CLTC: variants seen among roughly 807,000 people sequenced by gnomAD.
The protein encoded by CLTC is clathrin heavy chain, also known as clathrin heavy chain 1.
A neutral mutation model predicts 195.8 loss-of-function variants in CLTC; 16 were observed. The observed-to-expected ratio is 0.08, with a 90% confidence interval of 0.06 to 0.12. The LOEUF (loss-of-function observed/expected upper bound fraction) is 0.12, where lower values mean the gene tolerates loss of function less well. Among genes scored for constraint, CLTC ranks in the 10% least tolerant of loss-of-function variants. The probability of loss-of-function intolerance (pLI) is 1.00; values close to 1 mark genes in which losing one functional copy is unlikely to be tolerated. For synonymous variants in CLTC, 667 were observed against 689.4 expected, an observed-to-expected ratio of 0.97 and a Z score of 0.51; for missense variants, 796 against 2,027.0, an observed-to-expected ratio of 0.39 and a Z score of 11.66.
intron 1 of CLTC, among the ~76,000 whole-genome samples, chr17:59,636,380 C>G (rs1308452828): frequency 6.6e-6 from 1 of 152,130 alleles, no homozygotes; most frequent in East Asian, 1.9e-4. Context: ...ACAGGAAAAA[C>G]AAAGTTTAAA....
intron 30 of CLTC, among the ~76,000 whole-genome samples, chr17:59,687,890 T>TTACGTCTG (rs1157990857): frequency 6.6e-6 from 1 of 152,138 alleles, no homozygotes; most frequent in Non-Finnish European, 1.5e-5. Flanking sequence ...TGAAACAAAC[T>TTACGTCTG]TACGTCTGTT....
rs2033069952 is a variant in CLTC at position 59,680,947 on chromosome 17, T to C, written c.2955T>C (p.Pro985=). The C allele has an allele frequency of 2.5e-6, 4 of 1,613,782 alleles. No homozygotes were observed. Among genetic ancestry groups the C allele is most frequent in the Non-Finnish European group, 3.4e-6 (4 of 1,179,822 alleles). ...CAGCTTTGTCTGAGACTCAGGACCCTGAAGAAGTGTCAGTAACTGTAAAGG... is the reference window on the plus strand; with the variant it reads ...CAGCTTTGTCTGAGACTCAGGACCCCGAAGAAGTGTCAGTAACTGTAAAGG... ...VQTALSETQD[P]EEVSVTVKAF... is the part of the protein sequence containing the mutation. Residue 985 remains proline (P), a synonymous_variant, in exon 19 of 32, where the codon CCT becomes CCC. Coordinates refer to ENST00000269122, the MANE Select transcript of CLTC (RefSeq NM_004859.4).
intron 5 of CLTC, 92 bp downstream of exon 5, chr17:59,651,408 A>T (rs1401908460): frequency 2.5e-5 from 21 of 855,232 alleles, no homozygotes; most frequent in Middle Eastern, 2.4e-4. Context: ...AATTTAAGTG[A>T]TGCTTAAAAG....
At position 59,696,298 on chromosome 17, in the gene CLTC, CA is replaced by C. The variant is rs905316320; in HGVS notation, c.*2449del. 23 of 221,748 alleles carry C rather than the reference CA, an allele frequency of 1.0e-4. No individual in the cohort carries two copies. The East Asian group carries it at 1.5e-3, about 15-fold the overall frequency. The allele number at this position is 221,748 out of a possible 1,614,324, so 13.7% of individuals were successfully genotyped here. ...CCTGTGCGAAGTGTATTAAATGAAT[CA>C]AATATTAGAAATTTCAAGGCTGTCT... On this transcript the variant is annotated 3_prime_UTR_variant, in exon 32 of 32. Coordinates refer to ENST00000269122, the MANE Select transcript of CLTC (RefSeq NM_004859.4).
chr17:59,666,723 A>G lies in CLTC; in HGVS notation c.1948-74A>G, dbSNP rs2032741174. 6.5e-7 allele frequency: 1 copy of G among 1,547,664 alleles called. No homozygotes were observed. The highest frequency in any genetic ancestry group is 1.4e-5 in the African/African-American group (1 of 73,076). ...TGAAAATGTGTTTGTGGTACTAAAT[A>G]TTAATAATTTCATACCACCATGAGG... On this transcript the variant is annotated intron_variant, in intron 12 of 31. Transcript: ENST00000269122. This position sits in a 1 kb window ranked among gnomAD's most constrained non-coding sequence, Gnocchi z 4.9.
intron 1 of CLTC, among the ~76,000 whole-genome samples, chr17:59,641,513 A>C (rs1316289669): frequency 6.8e-6 from 1 of 147,778 alleles, no homozygotes; most frequent in Non-Finnish European, 1.5e-5. Flanking sequence ...AGGCAGGAGA[A>C]TCACTTGAAC....
intron 1 of CLTC, among the ~76,000 whole-genome samples, chr17:59,642,467 G>A (rs756900335): frequency 2.0e-5 from 3 of 152,048 alleles, no homozygotes; most frequent in Non-Finnish European, 2.9e-5. Context: ...TAGGTATATA[G>A]CTCTATGAAC....
At chr17:59,660,364 A>G in intron 6 of CLTC, 27 bp from the exon 7 acceptor site, 1 of 1,590,138 alleles carries the variant, frequency 6.3e-7, no homozygotes, top group South Asian at 1.1e-5. Context: ...AACACATTGC[A>G]GCTACATTTT....
chr17:59,683,893 G>C lies in CLTC; in HGVS notation c.4342G>C (p.Val1448Leu), dbSNP rs2033125608. Reference sequence around the variant, plus strand: ...TTTAAAGGTTAAACAGCTACCACTGGTGAAACCGTATTTGCGTTCAGTTCA... The same window carrying C: ...TTTAAAGGTTAAACAGCTACCACTGCTGAAACCGTATTTGCGTTCAGTTCA... ...YFSKVKQLPL[V>L]KPYLRSVQNH... is the part of the protein sequence containing the mutation. The change falls in exon 28 of 32, where the codon GTG (valine) becomes CTG (leucine). Residue 1448 changes from valine to leucine, a missense_variant. By Grantham distance (32) the Val-to-Leu change is conservative. Around this residue, in one of 9 missense-constraint regions of CLTC, gnomAD observed 148 missense variants for 279.5 expected, o/e 0.53. Transcript: ENST00000269122. This position sits in a 1 kb window ranked among gnomAD's most constrained non-coding sequence, Gnocchi z 6.1. The C allele has an allele frequency of 4.3e-6, 7 of 1,613,760 alleles. No homozygotes were observed. The highest frequency in any genetic ancestry group is 5.9e-6 in the Non-Finnish European group (7 of 1,179,708).
At chr17:59,649,253 T>A (rs986697052) in intron 4 of CLTC, among the ~76,000 whole-genome samples, 1 of 152,114 alleles carries the variant, frequency 6.6e-6, no homozygotes, top group African/African-American at 2.4e-5. Flanking sequence ...GTGGTCAGGG[T>A]CCCAGCCAAC....
At chr17:59,624,834 A>G (rs969976311) in intron 1 of CLTC, among the ~76,000 whole-genome samples, 6 of 152,066 alleles carry the variant, frequency 3.9e-5, no homozygotes, top group Non-Finnish European at 5.9e-5. Context: ...AAAATTAATT[A>G]ATTTTGGGTT....
At position 59,685,749 on chromosome 17, in the gene CLTC, A is replaced by G; in HGVS notation, c.4768A>G (p.Asn1590Asp). The G allele has an allele frequency of 1.2e-6, 2 of 1,614,124 alleles. No individual in the cohort carries two copies. The highest frequency in any genetic ancestry group is 2.2e-5 in the South Asian group (2 of 91,082). Residue 1590 changes from asparagine to aspartate, a missense_variant, in exon 30 of 32, where the codon AAT (asparagine) becomes GAT (aspartate). Physicochemically the swap from Asn to Asp is conservative, Grantham distance 23. Around this residue, in one of 9 missense-constraint regions of CLTC, gnomAD observed 148 missense variants for 279.5 expected, o/e 0.53. Coordinates refer to ENST00000269122, the MANE Select transcript of CLTC (RefSeq NM_004859.4). The surrounding 1 kb of genome is among the most constrained non-coding windows in gnomAD (Gnocchi z 5.0). ...CGTCCTAGAAACTGCATGGAGGCAC[A>G]ATATCATGGATTTTGCCATGCCCTA... ...DVVLETAWRH[N>D]IMDFAMPYFI...
At chr17:59,624,582 C>T (rs1006942033) in intron 1 of CLTC, among the ~76,000 whole-genome samples, 1 of 150,886 alleles carries the variant, frequency 6.6e-6, no homozygotes, top group East Asian at 2.0e-4. Context: ...GATTCTCCTG[C>T]CTCAGCCTCC....
chr17:59,671,854 G>A (rs187136120), intron 14 of CLTC, among the ~76,000 whole-genome samples: 3 of 152,226 alleles, frequency 2.0e-5, no homozygotes, highest in East Asian at 1.9e-4. Flanking sequence ...AATGTCAGAA[G>A]AGAGGATGTC....
chr17:59,620,810 C>A (rs988849713), intron 1 of CLTC, among the ~76,000 whole-genome samples: 12 of 152,096 alleles, frequency 7.9e-5, no homozygotes, highest in Admixed American at 2.0e-4. Context: ...AATGGGAGAA[C>A]GCATTTCTTA....
At chr17:59,657,583 A>G (rs1307211574) in intron 6 of CLTC, among the ~76,000 whole-genome samples, 4 of 151,946 alleles carry the variant, frequency 2.6e-5, no homozygotes, top group Admixed American at 6.6e-5. Flanking sequence ...CCTGGCCAAC[A>G]TGGTGAAACC....
intron 9 of CLTC, 67 bp downstream of exon 9, chr17:59,664,061 T>G: frequency 7.4e-7 from 1 of 1,349,592 alleles, no homozygotes; most frequent in South Asian, 1.3e-5. Flanking sequence ...TTAGCCTGTA[T>G]TAACTCTTGA....
chr17:59,628,454 A>C (rs1446146248), intron 1 of CLTC, among the ~76,000 whole-genome samples: 1 of 152,158 alleles, frequency 6.6e-6, no homozygotes, highest in African/African-American at 2.4e-5. Flanking sequence ...CCCTTTGTCC[A>C]CTTGAGTTGA....
At chr17:59,651,397 T>C (rs1406642110) in intron 5 of CLTC, 81 bp downstream of exon 5, 2 of 910,826 alleles carry the variant, frequency 2.2e-6, no homozygotes, top group Non-Finnish European at 3.5e-6. Context: ...ATGGTAGATA[T>C]AATTTAAGTG....
Sources: allele counts gnomAD v4.1 joint callset (sites outside exome capture counted in the v4.1 genomes callset), GRCh38; gene constraint gnomAD v4.1.1; regional missense constraint gnomAD v4.1.1; non-coding constraint Gnocchi (gnomAD v3.1); transcripts MANE v1.5; gene names NCBI Gene and HGNC (gene_info 2026-07-23, HGNC 2026-07-21).